The following KCNAB1 variants were observed in gnomAD, a reference collection of about 807,000 sequenced individuals.
KCNAB1 encodes the protein potassium voltage-gated channel subfamily A regulatory beta subunit 1, also known as voltage-gated potassium channel subunit beta-1.
In KCNAB1, 35 loss-of-function variants were observed where a neutral mutation model predicts 64.6. The ratio of observed to expected loss-of-function variants is 0.54; its 90% confidence interval spans 0.41 to 0.72. The LOEUF is 0.72. Ranked by LOEUF, KCNAB1 falls within the 30% of genes least tolerant of loss-of-function variation. The pLI, the probability that KCNAB1 is intolerant of heterozygous loss-of-function variation, is 0.00. For synonymous variants in KCNAB1, 177 were observed against 183.8 expected (o/e 0.96, Z 0.30); for missense variants, 401 against 512.9 (o/e 0.78, Z 2.11).
At chr3:156,514,899 CAAAG>C (rs1196158543) in intron 9 of KCNAB1, among the ~76,000 whole-genome samples, 197 bp from the exon 10 acceptor site, 1 of 152,150 alleles carries the variant, frequency 6.6e-6, no homozygotes, top group Non-Finnish European at 1.5e-5. Flanking sequence ...CAAACCCTCC[CAAAG>C]AATTAATAAG....
At chr3:156,241,334 T>G (rs1717150923) in intron 1 of KCNAB1, among the ~76,000 whole-genome samples, 1 of 152,232 alleles carries the variant, frequency 6.6e-6, no homozygotes, top group African/African-American at 2.4e-5. Flanking sequence ...TTTTATAAAG[T>G]TAATCATATC....
chr3:156,469,387 G>C (rs1713704674), intron 7 of KCNAB1, among the ~76,000 whole-genome samples: 1 of 151,306 alleles, frequency 6.6e-6, no homozygotes, highest in Non-Finnish European at 1.5e-5. Context: ...CTCCCAGGTA[G>C]CTGGGACTAC....
chr3:156,169,610 G>A (rs1711828349), intron 1 of KCNAB1, among the ~76,000 whole-genome samples: 1 of 152,218 alleles, frequency 6.6e-6, no homozygotes, highest in South Asian at 2.1e-4. Flanking sequence ...TGAAGGTGGA[G>A]CGTGATGGGA....
chr3:156,148,590 C>T (rs1307173742), intron 1 of KCNAB1, among the ~76,000 whole-genome samples: 3 of 152,218 alleles, frequency 2.0e-5, no homozygotes. Flanking sequence ...ACTTACTTCA[C>T]AATGGCATTA....
intron 1 of KCNAB1, among the ~76,000 whole-genome samples, chr3:156,307,420 T>C (rs1721575222): frequency 2.0e-5 from 3 of 152,124 alleles, no homozygotes; most frequent in African/African-American, 7.2e-5. Flanking sequence ...TTATTTATTA[T>C]GTTAAAAAGT....
chr3:156,211,333 C>G (rs1714989649), intron 1 of KCNAB1, among the ~76,000 whole-genome samples: 1 of 152,156 alleles, frequency 6.6e-6, no homozygotes, highest in Non-Finnish European at 1.5e-5. Context: ...TACTTTTGAA[C>G]TTGTTAAATA....
At chr3:156,321,624 G>A (rs1274077578) in intron 1 of KCNAB1, among the ~76,000 whole-genome samples, 4 of 152,088 alleles carry the variant, frequency 2.6e-5, no homozygotes, top group Admixed American at 2.6e-4. Context: ...TGGGTATTTT[G>A]GGAATGCATA....
chr3:156,318,816 G>A (rs981853712), intron 1 of KCNAB1, among the ~76,000 whole-genome samples: 4 of 152,150 alleles, frequency 2.6e-5, no homozygotes, highest in African/African-American at 9.7e-5. Context: ...GATTTGTCAC[G>A]AAATGCTACT....
At chr3:156,176,252 G>A in intron 1 of KCNAB1, 1 of 832,186 alleles carries the variant, frequency 1.2e-6, no homozygotes, top group Non-Finnish European at 2.1e-6. Flanking sequence ...AGTTTGTTCT[G>A]GCACAGGTCC....
At chr3:156,177,456 A>G (rs1024269534) in intron 1 of KCNAB1, among the ~76,000 whole-genome samples, 2 of 149,970 alleles carry the variant, frequency 1.3e-5, no homozygotes, top group African/African-American at 4.9e-5. Flanking sequence ...GGCTCACAGC[A>G]AGCTCCGCCT....
chr3:156,118,244 C>G (rs976791078), upstream of KCNAB1: 1 of 440,596 alleles, frequency 2.3e-6, no homozygotes, highest in African/African-American at 2.0e-5. Flanking sequence ...CCACAGTCAT[C>G]TAAGGATACT....
intron 2 of KCNAB1, among the ~76,000 whole-genome samples, chr3:156,449,001 G>A (rs1170939790): frequency 6.6e-6 from 1 of 152,064 alleles, no homozygotes; most frequent in Non-Finnish European, 1.5e-5. Flanking sequence ...AAACAAGTAG[G>A]TAGAAAACAA....
rs181422827 is a variant in KCNAB1 at position 156,162,215 on chromosome 3, T to C, written c.275+41329T>C. 2.2e-3 allele frequency among the ~76,000 whole-genome samples: 341 copies of C among 152,142 alleles called. 2 individuals carry two copies. The highest frequency in any genetic ancestry group is 7.7e-3 in the African/African-American group (319 of 41,522). ...TTTCTAAACATTGCCTATGGCCAAA[T>C]TGAATAGAAAGAGTATTTAGGACAT... On this transcript the variant is annotated intron_variant, in intron 1 of 13. Coordinates refer to ENST00000490337, the MANE Select transcript of KCNAB1 (RefSeq NM_172160.3).
chr3:156,231,792 T>A (rs188411960), intron 1 of KCNAB1, among the ~76,000 whole-genome samples: 37 of 152,210 alleles, frequency 2.4e-4, no homozygotes, highest in Admixed American at 1.5e-3. Context: ...TAAATTTACC[T>A]GTAGCCTGGA....
chr3:156,445,551 TAGTG>T (rs1246984896), intron 2 of KCNAB1, among the ~76,000 whole-genome samples: 1 of 152,178 alleles, frequency 6.6e-6, no homozygotes, highest in Non-Finnish European at 1.5e-5. Flanking sequence ...TTGTTGAAGA[TAGTG>T]AGGAAAACAA....
intron 1 of KCNAB1, among the ~76,000 whole-genome samples, chr3:156,370,891 C>T (rs1271927928): frequency 6.6e-6 from 1 of 152,174 alleles, no homozygotes; most frequent in Non-Finnish European, 1.5e-5. Context: ...CGGCAGGCGG[C>T]ACAGGAAAAC....
chr3:156,176,725 G>T, intron 1 of KCNAB1: 2 of 946,602 alleles, frequency 2.1e-6, no homozygotes, highest in Non-Finnish European at 3.5e-6. Flanking sequence ...TGTCCAGAGA[G>T]CAGCATGATT....
intron 1 of KCNAB1, among the ~76,000 whole-genome samples, chr3:156,366,202 C>T (rs557121908): frequency 1.3e-5 from 2 of 152,228 alleles, no homozygotes; most frequent in East Asian, 3.9e-4. Flanking sequence ...TTTTTTGAAA[C>T]TGTATGTTCA....
At chr3:156,405,601 C>T (rs933498968) in intron 1 of KCNAB1, among the ~76,000 whole-genome samples, 2 of 152,110 alleles carry the variant, frequency 1.3e-5, no homozygotes, top group African/African-American at 4.8e-5. Flanking sequence ...AGATGGACAA[C>T]CATTATTTAT....
Sources: gnomAD v4.1 joint callset for allele counts (sites outside exome capture counted in the v4.1 genomes callset) on GRCh38, gnomAD v4.1.1 for gene constraint, MANE v1.5 for transcripts, NCBI Gene and HGNC (gene_info 2026-07-23, HGNC 2026-07-21) for gene names.